The following GTF2IRD1 variants were observed in gnomAD, a reference collection of about 807,000 sequenced individuals.
GTF2IRD1 encodes the protein general transcription factor II-I repeat domain-containing protein 1.
In GTF2IRD1, 26 loss-of-function variants were observed where a neutral mutation model predicts 113.2. That is an observed-to-expected ratio of 0.23 (90% CI 0.17 to 0.32). GTF2IRD1 has a LOEUF of 0.32. GTF2IRD1 is among the 10% of genes least tolerant of loss of function. The probability of loss-of-function intolerance (pLI) is 1.00; values close to 1 mark genes in which losing one functional copy is unlikely to be tolerated. For missense variants in GTF2IRD1, 864 were observed against 1,280.8 expected (o/e 0.67, Z 4.97); for synonymous variants, 484 against 529.1 (o/e 0.91, Z 1.17).
chr7:74,582,700 C>T (rs1377374028), intron 22 of GTF2IRD1, among the ~76,000 whole-genome samples: 2 of 152,176 alleles, frequency 1.3e-5, no homozygotes, highest in Admixed American at 6.6e-5. Flanking sequence ...GCCTTCCAGT[C>T]TGATGAGCCA....
At chr7:74,553,264 G>A (rs1254664325) in intron 17 of GTF2IRD1, among the ~76,000 whole-genome samples, 1 of 152,076 alleles carries the variant, frequency 6.6e-6, no homozygotes, top group African/African-American at 2.4e-5. Flanking sequence ...CGAGTAACTG[G>A]GATTACAGGC....
chr7:74,540,035 G>C, intron 14 of GTF2IRD1, 67 bp downstream of exon 14: 3 of 1,127,628 alleles, frequency 2.7e-6, no homozygotes, highest in Non-Finnish European at 2.7e-6. Flanking sequence ...GGAAAGGGGT[G>C]GGCCAGGCCG....
rs186699107 is a variant in GTF2IRD1 at position 74,556,687 on chromosome 7, G to A, written c.2024-952G>A. Among the ~76,000 whole-genome samples the A allele has an allele frequency of 4.2e-3, 604 of 145,468 alleles. 1 individual carries two copies. The highest frequency in any genetic ancestry group is 6.9e-3 in the Non-Finnish European group (461 of 66,712). ...CACCCAGGCTGGAGTGCAGTGGTGCGATCTTGGCTCACTACAACCTCCACC... is the reference window on the plus strand; with the variant it reads ...CACCCAGGCTGGAGTGCAGTGGTGCAATCTTGGCTCACTACAACCTCCACC... On this transcript the variant is annotated intron_variant, in intron 19 of 26. Coordinates refer to ENST00000424337, the MANE Select transcript of GTF2IRD1 (RefSeq NM_005685.4).
chr7:74,468,356 TTA>T (rs200229037), intron 1 of GTF2IRD1, among the ~76,000 whole-genome samples: 763 of 10,982 alleles, frequency 0.069, 9 homozygotes, highest in South Asian at 0.15. Flanking sequence ...TAAAAATAAT[TTA>T]AAAAAAAAAA....
At chr7:74,468,872 C>T (rs1793910650) in intron 1 of GTF2IRD1, among the ~76,000 whole-genome samples, 1 of 151,874 alleles carries the variant, frequency 6.6e-6, no homozygotes, top group African/African-American at 2.4e-5. Context: ...ATCATGAGGT[C>T]AGGAGAGCGA....
intron 12 of GTF2IRD1, 39 bp downstream of exon 12, chr7:74,538,212 G>A (rs781811053): frequency 6.3e-6 from 10 of 1,599,318 alleles, no homozygotes; most frequent in South Asian, 3.3e-5. Context: ...GTGGTGGGCC[G>A]GGAGGGCAAC....
chr7:74,521,274 TCTC>T lies in GTF2IRD1; in HGVS notation c.985_987del (p.Ser329del), dbSNP rs1554345917. The T allele has an allele frequency of 6.2e-7, 1 of 1,610,482 alleles. No individual in the cohort carries two copies. Among genetic ancestry groups the T allele is most frequent in the African/African-American group, 1.3e-5 (1 of 74,946 alleles). On this transcript the variant is annotated inframe_deletion, in exon 7 of 27. Coordinates refer to ENST00000424337, the MANE Select transcript of GTF2IRD1 (RefSeq NM_005685.4). ...GTCCATGCCTCCAAGCGCATTCTCT[TCTC>T]CATCGTCCATGACAAGTCAGGTAGG...
At chr7:74,533,742 G>T (rs1032786734) in intron 9 of GTF2IRD1, among the ~76,000 whole-genome samples, 1 of 151,994 alleles carries the variant, frequency 6.6e-6, no homozygotes, top group Non-Finnish European at 1.5e-5. Context: ...ACCTGTGAAG[G>T]GTCCCACAAG....
At chr7:74,579,403 A>C (rs1424282732) in intron 22 of GTF2IRD1, among the ~76,000 whole-genome samples, 2 of 152,158 alleles carry the variant, frequency 1.3e-5, no homozygotes, top group Non-Finnish European at 2.9e-5. Context: ...GGATCACCTG[A>C]GGTCAGGAGT....
chr7:74,471,642 A>G (rs1794092688), intron 1 of GTF2IRD1, among the ~76,000 whole-genome samples: 1 of 145,168 alleles, frequency 6.9e-6, no homozygotes, highest in South Asian at 2.3e-4. Context: ...TAACATAGCA[A>G]GACCCCTGTC....
intron 1 of GTF2IRD1, among the ~76,000 whole-genome samples, chr7:74,459,954 G>C (rs1022271458): frequency 6.6e-6 from 1 of 151,812 alleles, no homozygotes; most frequent in Non-Finnish European, 1.5e-5. Context: ...GAGTGGAGCT[G>C]ATTCACTGAA....
intron 14 of GTF2IRD1, among the ~76,000 whole-genome samples, chr7:74,540,650 C>G (rs1342880600): frequency 1.3e-5 from 2 of 151,726 alleles, no homozygotes; most frequent in Admixed American, 6.6e-5. Flanking sequence ...ATGGATAGTA[C>G]GCAAATAAGT....
chr7:74,595,726 G>A, intron 25 of GTF2IRD1, among the ~76,000 whole-genome samples: 1 of 152,160 alleles, frequency 6.6e-6, no homozygotes, highest in Middle Eastern at 3.2e-3. Flanking sequence ...CTGCAGAGGG[G>A]AGGCCTTGCC....
chr7:74,567,181 C>A (rs1406577944), intron 22 of GTF2IRD1, among the ~76,000 whole-genome samples: 1 of 151,652 alleles, frequency 6.6e-6, no homozygotes. Flanking sequence ...TACAAAAATT[C>A]GCTGGGCATG....
intron 1 of GTF2IRD1, among the ~76,000 whole-genome samples, chr7:74,463,756 C>T (rs1554330044): frequency 1.3e-5 from 2 of 148,804 alleles, no homozygotes; most frequent in Non-Finnish European, 3.0e-5. Flanking sequence ...CAGAGTCTCA[C>T]TCTGTCGCCC....
Position 74,471,101 on chromosome 7 carries a change from G to A in GTF2IRD1, c.-7+16925G>A, listed in dbSNP as rs562328690. Among the ~76,000 whole-genome samples the A allele has an allele frequency of 4.6e-5, 7 of 152,190 alleles. No homozygotes were observed. The East Asian group carries it at 5.8e-4, about 13-fold the overall frequency. ...ATTACAGGCGTGAGCCACCGTGCCCGGCCTCTGGTTCTAGTCATATGATGT... is the reference window on the plus strand; with the variant it reads ...ATTACAGGCGTGAGCCACCGTGCCCAGCCTCTGGTTCTAGTCATATGATGT... On this transcript the variant is annotated intron_variant, in intron 1 of 26. Transcript: ENST00000424337.
chr7:74,555,941 T>C lies in GTF2IRD1; in HGVS notation c.2023+447T>C, dbSNP rs587631151. Among the ~76,000 whole-genome samples, 51 of 152,196 alleles carry C rather than the reference T, an allele frequency of 3.4e-4. No homozygotes were observed. The highest frequency in any genetic ancestry group is 1.2e-3 in the African/African-American group (49 of 41,556). ...CTGGACAACATAGAACCCGTCTCTA[T>C]GTCTATTTTTAAGAAAAGAAATCAG... On this transcript the variant is annotated intron_variant, in intron 19 of 26. Coordinates refer to ENST00000424337, the MANE Select transcript of GTF2IRD1 (RefSeq NM_005685.4). This position sits in a 1 kb window ranked among gnomAD's most constrained non-coding sequence, Gnocchi z 5.3.
At chr7:74,586,336 T>C (rs1339563277) in intron 22 of GTF2IRD1, among the ~76,000 whole-genome samples, 3 of 152,090 alleles carry the variant, frequency 2.0e-5, no homozygotes, top group Admixed American at 1.3e-4. Context: ...CCGTGTTGGG[T>C]CACAGGAGAA....
chr7:74,569,408 C>G (rs1562878557), intron 22 of GTF2IRD1, among the ~76,000 whole-genome samples: 2 of 152,208 alleles, frequency 1.3e-5, no homozygotes, highest in African/African-American at 4.8e-5. Context: ...GAGGCCAAAG[C>G]CACTCCCTGG....
Sources: allele counts gnomAD v4.1 joint callset (sites outside exome capture counted in the v4.1 genomes callset), GRCh38; gene constraint gnomAD v4.1.1; non-coding constraint Gnocchi (gnomAD v3.1); transcripts MANE v1.5; gene names NCBI Gene and HGNC (gene_info 2026-07-23, HGNC 2026-07-21).